The following C10orf90 variants were observed in gnomAD, a reference collection of about 807,000 sequenced individuals.
C10orf90 encodes chromosome 10 open reading frame 90, also known as (E2-independent) E3 ubiquitin-conjugating enzyme FATS.
A neutral mutation model predicts 62.5 loss-of-function variants in C10orf90; 56 were observed. That is an observed-to-expected ratio of 0.90 (90% CI 0.72 to 1.12). The LOEUF (loss-of-function observed/expected upper bound fraction) is 1.12, where lower values mean the gene tolerates loss of function less well. Among genes scored for constraint, C10orf90 ranks in the 50% most tolerant of loss-of-function variants. C10orf90 has a pLI of 0.00. For synonymous variants in C10orf90, 386 were observed against 340.4 expected (o/e 1.13, Z -1.47); for missense variants, 970 against 880.4 (o/e 1.10, Z -1.29).
chr10:126,552,266 T>C (rs890346165), intron 2 of C10orf90, among the ~76,000 whole-genome samples: 1 of 152,210 alleles, frequency 6.6e-6, no homozygotes, highest in Non-Finnish European at 1.5e-5. Flanking sequence ...TCAATAAATA[T>C]CTGTTGAAGG....
intron 2 of C10orf90, among the ~76,000 whole-genome samples, chr10:126,557,520 T>A (rs1864805472): frequency 6.6e-6 from 1 of 151,652 alleles, no homozygotes; most frequent in South Asian, 2.1e-4. Context: ...TCTATACCTT[T>A]CCCCCATAAC....
intron 1 of C10orf90, among the ~76,000 whole-genome samples, chr10:126,654,536 C>G (rs1366068549): frequency 6.6e-6 from 1 of 152,148 alleles, no homozygotes; most frequent in East Asian, 1.9e-4. Context: ...CTGGATTGAT[C>G]TGCTATCCAG....
chr10:126,489,260 A>G (rs1861593541), intron 4 of C10orf90, among the ~76,000 whole-genome samples: 1 of 152,146 alleles, frequency 6.6e-6, no homozygotes, highest in Admixed American at 6.5e-5. Flanking sequence ...TTATAAAATG[A>G]AGAAAGAAAA....
Position 126,592,824 on chromosome 10 carries a change from G to A in C10orf90, c.313+53741C>T, listed in dbSNP as rs200306160. ...CAAAGGTCTAATATCCAGAGTCTAC[G>A]AGGAACTTGTATTTACAAAAAAAGA... On this transcript the variant is annotated intron_variant, in intron 2 of 9. Coordinates refer to ENST00000488181, the MANE Select transcript of C10orf90 (RefSeq NM_001350921.2). 6.6e-5 allele frequency among the ~76,000 whole-genome samples: 10 copies of A among 151,922 alleles called. No individual in the cohort carries two copies. In the East Asian group the frequency reaches 7.7e-4, roughly 12 times the overall value.
At chr10:126,611,406 G>A (rs1022339183) in intron 2 of C10orf90, among the ~76,000 whole-genome samples, 2 of 152,130 alleles carry the variant, frequency 1.3e-5, no homozygotes, top group Non-Finnish European at 2.9e-5. Flanking sequence ...TCAGTTGATG[G>A]ACATTTGAGC....
rs199676174 is a variant in C10orf90, at chr10:126,504,788, C to G, written c.703G>C (p.Ala235Pro). The G allele has an allele frequency of 1.3e-6, 2 of 1,585,702 alleles. No homozygotes were observed. The highest frequency in any genetic ancestry group is 2.2e-5 in the East Asian group (1 of 44,580). Residue 235 changes from alanine to proline, a missense_variant, in exon 4 of 10, where the codon GCA becomes CCA. Transcript: ENST00000488181. This position sits in a 1 kb window ranked among gnomAD's most constrained non-coding sequence, Gnocchi z 4.1. ...CGTCTGGCCGTGATGGTGATGGATG[C>G]AAACCCTCTGCGGGGGCCCCCACAG... ...RPCGGPRRGF[A>P]SITITARRVG...
At chr10:126,444,149 A>G (rs1387148721) in intron 7 of C10orf90, among the ~76,000 whole-genome samples, 2 of 152,168 alleles carry the variant, frequency 1.3e-5, no homozygotes, top group Non-Finnish European at 2.9e-5. Context: ...CCTCTTCAAC[A>G]TAGTACTGGA....
At chr10:126,493,248 A>G (rs1199077563) in intron 4 of C10orf90, among the ~76,000 whole-genome samples, 1 of 151,944 alleles carries the variant, frequency 6.6e-6, no homozygotes, top group African/African-American at 2.4e-5. Context: ...TCTGTCTGGG[A>G]CAATCTACTG....
intron 1 of C10orf90, among the ~76,000 whole-genome samples, chr10:126,652,084 T>C (rs2133859789): frequency 6.6e-6 from 1 of 152,322 alleles, no homozygotes; most frequent in African/African-American, 2.4e-5. Flanking sequence ...TTCAATCTTC[T>C]GAACTCTTCT....
chr10:126,477,803 C>A (rs190288584), intron 4 of C10orf90, among the ~76,000 whole-genome samples: 1 of 152,322 alleles, frequency 6.6e-6, no homozygotes, highest in East Asian at 1.9e-4. Flanking sequence ...CATACAATCT[C>A]TGCATCTGTT....
At chr10:126,553,823 A>T (rs1189740940) in intron 2 of C10orf90, among the ~76,000 whole-genome samples, 1 of 152,202 alleles carries the variant, frequency 6.6e-6, no homozygotes, top group Non-Finnish European at 1.5e-5. Context: ...TGACTGTAAG[A>T]CAGAAGAAAT....
chr10:126,531,694 A>G (rs1014621037), intron 2 of C10orf90, among the ~76,000 whole-genome samples: 1 of 152,214 alleles, frequency 6.6e-6, no homozygotes, highest in African/African-American at 2.4e-5. Context: ...AGAAGAAAAT[A>G]GAGCAGGATA....
intron 2 of C10orf90, among the ~76,000 whole-genome samples, chr10:126,624,388 C>T (rs1004947311): frequency 6.6e-6 from 1 of 152,062 alleles, no homozygotes; most frequent in African/African-American, 2.4e-5. Context: ...TTTGTGAATG[C>T]TGGCATTAGA....
At chr10:126,521,281 A>G (rs766157385) in intron 2 of C10orf90, 1 of 1,613,012 alleles carries the variant, frequency 6.2e-7, no homozygotes, top group Non-Finnish European at 8.5e-7. Flanking sequence ...ATATCTGTGG[A>G]AAAAAATTAG....
At chr10:126,480,667 A>G (rs900591744) in intron 4 of C10orf90, among the ~76,000 whole-genome samples, 2 of 152,226 alleles carry the variant, frequency 1.3e-5, no homozygotes, top group African/African-American at 4.8e-5. Context: ...CACATCCCTT[A>G]GTTCAATGAA....
chr10:126,541,369 AACAATGT>A (rs1397493371), intron 2 of C10orf90, among the ~76,000 whole-genome samples: 2 of 152,238 alleles, frequency 1.3e-5, no homozygotes, highest in African/African-American at 2.4e-5. Context: ...AAATTAAAAT[AACAATGT>A]ACATCAAAGG....
In C10orf90 at chr10:126,607,422, G is replaced by A. The variant is rs922046462; in HGVS notation, c.313+39143C>T. Among the ~76,000 whole-genome samples, 4 of 152,114 alleles carry A rather than the reference G, an allele frequency of 2.6e-5. No homozygotes were observed. In the East Asian group the frequency reaches 7.7e-4, roughly 29 times the overall value. On this transcript the variant is annotated intron_variant, in intron 2 of 9. Coordinates refer to ENST00000488181, the MANE Select transcript of C10orf90 (RefSeq NM_001350921.2). ...TTGAAAGAAATACTAACAAACTATG[G>A]TTTCTCAGGCATGAGTATTTGGCAG...
chr10:126,526,480 G>A lies in C10orf90; in HGVS notation c.314-12541C>T, dbSNP rs1342013218. On this transcript the variant is annotated intron_variant, in intron 2 of 9. Coordinates refer to ENST00000488181, the MANE Select transcript of C10orf90 (RefSeq NM_001350921.2). ...AGGATGGTCTCGATCTCCTGACCTC[G>A]TGATCCGCCCGCCTCGGCCTCCCAA... 3.3e-5 allele frequency among the ~76,000 whole-genome samples: 5 copies of A among 152,016 alleles called. No homozygotes were observed. In the East Asian group the frequency reaches 5.8e-4, roughly 18 times the overall value.
chr10:126,455,906 G>A (rs1241528515), intron 7 of C10orf90, among the ~76,000 whole-genome samples: 1 of 152,194 alleles, frequency 6.6e-6, no homozygotes, highest in Non-Finnish European at 1.5e-5. Context: ...GTCATCCCCT[G>A]CAAGTCCAGG....
Sources: gnomAD v4.1 joint callset for allele counts (sites outside exome capture counted in the v4.1 genomes callset) on GRCh38, gnomAD v4.1.1 for gene constraint, Gnocchi (gnomAD v3.1) non-coding constraint, MANE v1.5 for transcripts, NCBI Gene and HGNC (gene_info 2026-07-23, HGNC 2026-07-21) for gene names.